The following NCOA7 variants were observed in gnomAD, a reference collection of about 807,000 sequenced individuals.
The protein encoded by NCOA7 is 140 kDa estrogen receptor-associated protein.
NCOA7 carries 45 observed loss-of-function variants against 104.3 expected under a neutral mutation model. The ratio of observed to expected loss-of-function variants is 0.43; its 90% CI spans 0.34 to 0.55. The LOEUF (loss-of-function observed/expected upper bound fraction) is 0.55, where lower values mean the gene tolerates loss of function less well. Among genes scored for constraint, NCOA7 ranks in the 20% least tolerant of loss-of-function variants. The probability of loss-of-function intolerance (pLI) is 0.02; values close to 1 mark genes in which losing one functional copy is unlikely to be tolerated. For missense variants in NCOA7, 1,041 were observed against 1,119.7 expected (o/e 0.93, Z 1.00); for synonymous variants, 398 against 402.3 (o/e 0.99, Z 0.13).
At chr6:125,830,718 A>G (rs1416988223) in intron 2 of NCOA7, among the ~76,000 whole-genome samples, 1 of 137,460 alleles carries the variant, frequency 7.3e-6, no homozygotes, top group African/African-American at 2.7e-5. Context: ...CTCTCTATAT[A>G]TTTTATATAT....
chr6:125,841,991 G>C lies in NCOA7; in HGVS notation c.51-13029G>C, dbSNP rs982694481. Reference sequence around the variant, plus strand: ...AAAGTATATTATCATAAAAGGGTACGTATGTCTAAAATTATTCAAAAGCAA... The same window carrying C: ...AAAGTATATTATCATAAAAGGGTACCTATGTCTAAAATTATTCAAAAGCAA... On this transcript the variant is annotated intron_variant, in intron 2 of 15. Transcript: ENST00000392477. Among the ~76,000 whole-genome samples, 4 of 152,230 alleles carry C rather than the reference G, an allele frequency of 2.6e-5. No individual in the cohort carries two copies. The South Asian group carries it at 8.3e-4, about 32-fold the overall frequency.
At chr6:125,828,771 G>A (rs1012852154) in intron 2 of NCOA7, among the ~76,000 whole-genome samples, 3 of 152,152 alleles carry the variant, frequency 2.0e-5, no homozygotes, top group Admixed American at 6.5e-5. Flanking sequence ...TTACTTGTGC[G>A]GATTGGTGGC....
At chr6:125,919,093 C>T (rs904446661) in intron 11 of NCOA7, 12 of 555,182 alleles carry the variant, frequency 2.2e-5, no homozygotes, top group Non-Finnish European at 3.5e-5. Flanking sequence ...GGGAAACCAC[C>T]GTTTCAAAGG....
intron 6 of NCOA7, among the ~76,000 whole-genome samples, 184 bp downstream of exon 6, chr6:125,881,387 A>T (rs768256215): frequency 6.6e-6 from 1 of 152,124 alleles, no homozygotes; most frequent in African/African-American, 2.4e-5. Context: ...AAAGGCAAAA[A>T]TGGCCAGACA....
intron 1 of NCOA7, among the ~76,000 whole-genome samples, chr6:125,814,903 A>G (rs982864391): frequency 1.3e-5 from 2 of 152,202 alleles, no homozygotes; most frequent in Non-Finnish European, 2.9e-5. Flanking sequence ...TTACATAATT[A>G]TCTGAGACAT....
At position 125,927,605 on chromosome 6, in the gene NCOA7, G is replaced by A. The variant is rs984584913; in HGVS notation, c.2524-58G>A. The stretch of plus-strand genomic sequence containing the variant: ...TGATGTATCAAAAATATTCCAGAAA[G>A]CCTTGCTTTGGGGATTTAGGTTTGA... On this transcript the variant is annotated intron_variant, in intron 13 of 15. Coordinates refer to ENST00000392477, the MANE Select transcript of NCOA7 (RefSeq NM_181782.5). The A allele has an allele frequency of 2.3e-6, 3 of 1,279,512 alleles. No individual in the cohort carries two copies. In the African/African-American group the frequency reaches 4.4e-5, roughly 19 times the overall value. 79.3% of individuals were successfully genotyped at this position (1,279,512 alleles called of 1,614,324 possible).
At chr6:125,901,544 G>A (rs562136840) in intron 10 of NCOA7, among the ~76,000 whole-genome samples, 1 of 152,294 alleles carries the variant, frequency 6.6e-6, no homozygotes, top group South Asian at 2.1e-4. Context: ...ACAGGAGCTG[G>A]GGCGGGTGCC....
chr6:125,881,304 C>T (rs1353486701), intron 6 of NCOA7, 101 bp downstream of exon 6: 6 of 861,412 alleles, frequency 7.0e-6, no homozygotes, highest in Non-Finnish European at 1.1e-5. Flanking sequence ...CTGAAATTCT[C>T]CCTAGATGGT....
intron 10 of NCOA7, among the ~76,000 whole-genome samples, chr6:125,905,082 G>T (rs763900985): frequency 1.8e-4 from 27 of 152,094 alleles, no homozygotes; most frequent in Non-Finnish European, 8.8e-5. Context: ...TGGAAGCCCA[G>T]AGAAGCTCAG....
intron 3 of NCOA7, among the ~76,000 whole-genome samples, chr6:125,867,285 A>G (rs1390249924): frequency 6.6e-6 from 1 of 152,192 alleles, no homozygotes; most frequent in Non-Finnish European, 1.5e-5. Flanking sequence ...TAATGACCAC[A>G]TTTTCATTTC....
rs372541917 is a variant in NCOA7 at position 125,825,865 on chromosome 6, CTTATT to C, written c.50+10466_50+10470del. On this transcript the variant is annotated intron_variant, in intron 2 of 15. Coordinates refer to ENST00000392477, the MANE Select transcript of NCOA7 (RefSeq NM_181782.5). ...ACTCTAAGTTTATATAAACGATATT[CTTATT>C]TTATAAGGGTAGATATATTTTAAAT... 4.7e-3 allele frequency among the ~76,000 whole-genome samples: 717 copies of C among 152,086 alleles called. 5 individuals are homozygous for C. Among genetic ancestry groups the C allele is most frequent in the African/African-American group, 0.012 (514 of 41,508 alleles).
intron 2 of NCOA7, among the ~76,000 whole-genome samples, chr6:125,842,909 T>C (rs1780297950): frequency 6.6e-6 from 1 of 152,216 alleles, no homozygotes; most frequent in East Asian, 1.9e-4. Context: ...TTTTTTCAAG[T>C]ATCATAGACA....
At chr6:125,814,681 A>G (rs1260926) in intron 1 of NCOA7, among the ~76,000 whole-genome samples, 9,770 of 152,146 alleles carry the variant, frequency 0.064, 1,014 homozygotes, top group African/African-American at 0.22. Flanking sequence ...ACTGCTGGCA[A>G]GCGTGGGTGA....
intron 7 of NCOA7, among the ~76,000 whole-genome samples, chr6:125,884,281 G>A (rs1784084765): frequency 1.3e-5 from 2 of 151,954 alleles, no homozygotes; most frequent in Non-Finnish European, 2.9e-5. Flanking sequence ...TCATAGCTTG[G>A]CTATTGTGAA....
intron 11 of NCOA7, chr6:125,919,299 G>A: frequency 6.2e-7 from 1 of 1,612,668 alleles, no homozygotes; most frequent in Non-Finnish European, 8.5e-7. Flanking sequence ...TGTGGAAGCA[G>A]AGTAGAGAGA....
At chr6:125,860,496 C>T (rs556609519) in intron 3 of NCOA7, among the ~76,000 whole-genome samples, 1 of 152,066 alleles carries the variant, frequency 6.6e-6, no homozygotes, top group African/African-American at 2.4e-5. Flanking sequence ...TACAGGCACA[C>T]GCCACCATAC....
At chr6:125,898,286 C>A (rs1025628870) in intron 10 of NCOA7, among the ~76,000 whole-genome samples, 1 of 152,156 alleles carries the variant, frequency 6.6e-6, no homozygotes, top group Non-Finnish European at 1.5e-5. Flanking sequence ...CATTCAGGTG[C>A]CTGAATTGCA....
Position 125,835,049 on chromosome 6 carries a change from T to A in NCOA7, c.50+19645T>A, listed in dbSNP as rs534634477. On this transcript the variant is annotated intron_variant, in intron 2 of 15. Transcript: ENST00000392477. ...TTAGTGTCTCTGCAGCCTGATAATT[T>A]AAAAGGATGTATATTTCCCAGATAA... Among the ~76,000 whole-genome samples, 11 of 152,310 alleles carry A rather than the reference T, an allele frequency of 7.2e-5. No individual in the cohort carries two copies. The South Asian group carries it at 2.3e-3, about 32-fold the overall frequency.
intron 2 of NCOA7, among the ~76,000 whole-genome samples, chr6:125,827,074 G>A (rs953320051): frequency 5.3e-5 from 8 of 151,158 alleles, no homozygotes; most frequent in Non-Finnish European, 7.4e-5. Flanking sequence ...GCGCACACCT[G>A]TAATCTGGAA....
Sources: allele counts gnomAD v4.1 joint callset (sites outside exome capture counted in the v4.1 genomes callset), GRCh38; gene constraint gnomAD v4.1.1; transcripts MANE v1.5; gene names NCBI Gene and HGNC (gene_info 2026-07-23, HGNC 2026-07-21).